PRMT8: variants seen among roughly 807,000 people sequenced by gnomAD.
PRMT8 encodes the protein protein arginine methyltransferase 8.
A neutral mutation model predicts 47.1 loss-of-function variants in PRMT8; 7 were observed. That is an observed-to-expected ratio of 0.15 (90% CI 0.08 to 0.28). PRMT8 has a LOEUF of 0.28. Ranked by LOEUF, PRMT8 falls within the 10% of genes least tolerant of loss-of-function variation. The pLI, the probability that PRMT8 is intolerant of heterozygous loss-of-function variation, is 1.00. For missense variants in PRMT8, 237 were observed against 505.4 expected, an observed-to-expected ratio of 0.47 and a Z score of 5.09; for synonymous variants, 188 against 186.5, an observed-to-expected ratio of 1.01 and a Z score of -0.07.
intron 4 of PRMT8, among the ~76,000 whole-genome samples, chr12:3,559,613 CAG>C (rs1426544849): frequency 1.3e-5 from 2 of 152,128 alleles, no homozygotes; most frequent in East Asian, 3.8e-4. Flanking sequence ...CCAGAAAAAC[CAG>C]ACTCTTATTA....
intron 2 of PRMT8, among the ~76,000 whole-genome samples, chr12:3,543,581 G>A (rs1173526469): frequency 6.6e-6 from 1 of 152,180 alleles, no homozygotes; most frequent in Non-Finnish European, 1.5e-5. Context: ...AGGAAACGTG[G>A]TGCGGATAGA....
rs566075814 is a variant in PRMT8, at chr12:3,448,701, G to A, written c.48+67259G>A. Among the ~76,000 whole-genome samples, 16 of 151,998 alleles carry A rather than the reference G, an allele frequency of 1.1e-4. No homozygotes were observed. In the South Asian group the frequency reaches 1.9e-3, roughly 18 times the overall value. ...AACATCACCCTAAATGAAAACCACC[G>A]TTTTTTTATTTTGCAAATCTTTTTA... is the stretch of plus-strand genomic sequence containing the variant. On this transcript the variant is annotated intron_variant, in intron 1 of 9. Transcript: ENST00000452611.
intron 1 of PRMT8, among the ~76,000 whole-genome samples, chr12:3,465,990 C>T (rs928524353): frequency 6.6e-6 from 1 of 152,152 alleles, no homozygotes; most frequent in Non-Finnish European, 1.5e-5. Flanking sequence ...GAGCTAGCCA[C>T]TCAGCCCAGA....
chr12:3,576,739 G>T lies in PRMT8; in HGVS notation c.713-132G>T. On this transcript the variant is annotated intron_variant, in intron 6 of 9. Coordinates refer to ENST00000382622, the MANE Select transcript of PRMT8 (RefSeq NM_019854.5). This position sits in a 1 kb window ranked among gnomAD's most constrained non-coding sequence, Gnocchi z 4.0. ...AAAGTGCCCCCAGGTGAGCAGTTCT[G>T]CCTCTATTTCGATGCAAGGGAACTC... 1.4e-6 allele frequency: 1 copy of T among 698,300 alleles called. No individual in the cohort carries two copies. 43.3% of individuals were successfully genotyped at this position (698,300 alleles called of 1,614,324 possible).
chr12:3,562,883 A>C (rs1197722422), intron 4 of PRMT8, among the ~76,000 whole-genome samples: 1 of 152,126 alleles, frequency 6.6e-6, no homozygotes, highest in Non-Finnish European at 1.5e-5. Flanking sequence ...GGAGAGAGTG[A>C]AACCATTCCA....
intron 1 of PRMT8, among the ~76,000 whole-genome samples, chr12:3,519,980 C>T (rs868496234): frequency 3.3e-5 from 5 of 152,132 alleles, no homozygotes; most frequent in African/African-American, 9.7e-5. Flanking sequence ...CCAATACAGG[C>T]GAAAGAGGAT....
chr12:3,580,938 A>T lies in PRMT8; in HGVS notation c.829-2120A>T, dbSNP rs981492271. On this transcript the variant is annotated intron_variant, in intron 7 of 9. Transcript: ENST00000382622. The surrounding 1 kb of genome is among the most constrained non-coding windows in gnomAD (Gnocchi z 4.6). ...CATGTGGCTGGGAGGGATAATGAGC[A>T]TTATGAAGGCTGACATATACTCAGT... Among the ~76,000 whole-genome samples, 6 of 152,222 alleles carry T rather than the reference A, an allele frequency of 3.9e-5. No homozygotes were observed. The highest frequency in any genetic ancestry group is 1.4e-4 in the African/African-American group (6 of 41,460).
At chr12:3,394,252 A>G (rs1206590159) in intron 1 of PRMT8, among the ~76,000 whole-genome samples, 1 of 152,166 alleles carries the variant, frequency 6.6e-6, no homozygotes, top group Non-Finnish European at 1.5e-5. Context: ...ACTATGTTGA[A>G]TAGGAGTGGT....
chr12:3,426,926 A>G (rs984772480), intron 1 of PRMT8, among the ~76,000 whole-genome samples: 1 of 152,060 alleles, frequency 6.6e-6, no homozygotes, highest in South Asian at 2.1e-4. Context: ...CCACCCTTTG[A>G]TGAGAACGTG....
rs948938591 is a variant in PRMT8, at chr12:3,492,031, G to A, written c.75+331G>A. On this transcript the variant is annotated intron_variant, in intron 1 of 9. Transcript: ENST00000382622. The surrounding 1 kb of genome is among the most constrained non-coding windows in gnomAD (Gnocchi z 7.5). ...CAAGTCCCAAACCCCGGGCAGCCGC[G>A]CTCCCCTGCCCTCTCCTCTGGGCTC... 6.6e-6 allele frequency among the ~76,000 whole-genome samples: 1 copy of A among 151,922 alleles called. No individual in the cohort carries two copies. The highest frequency in any genetic ancestry group is 2.4e-5 in the African/African-American group (1 of 41,364).
chr12:3,554,861 T>C (rs577124238), intron 4 of PRMT8, among the ~76,000 whole-genome samples: 26 of 152,194 alleles, frequency 1.7e-4, no homozygotes, highest in Non-Finnish European at 2.9e-4. Flanking sequence ...TGCTCCCTGC[T>C]GACCTGCCAG....
intron 1 of PRMT8, among the ~76,000 whole-genome samples, chr12:3,483,929 G>A (rs1865298381): frequency 6.6e-6 from 1 of 152,170 alleles, no homozygotes; most frequent in Non-Finnish European, 1.5e-5. Flanking sequence ...GACAAGTGAT[G>A]AGGAAATCGA....
At position 3,569,383 on chromosome 12, in the gene PRMT8, G is replaced by A. The variant is rs981451272; in HGVS notation, c.625-94G>A. On this transcript the variant is annotated intron_variant, in intron 5 of 9. Transcript: ENST00000382622. This position sits in a 1 kb window ranked among gnomAD's most constrained non-coding sequence, Gnocchi z 8.2. Reference sequence around the variant, plus strand: ...CTGCATGAGAGATGGTGGCAAGGGGGTGCTTGTCTGGTGACTCTATGTGCA... The same window carrying A: ...CTGCATGAGAGATGGTGGCAAGGGGATGCTTGTCTGGTGACTCTATGTGCA... 32 of 1,023,534 alleles carry A rather than the reference G, an allele frequency of 3.1e-5. No homozygotes were observed. Among genetic ancestry groups the A allele is most frequent in the Middle Eastern group, 2.0e-4 (1 of 4,926 alleles). The allele number at this position is 1,023,534 out of a possible 1,614,324, so 63.4% of individuals were successfully genotyped here.
intron 1 of PRMT8, among the ~76,000 whole-genome samples, chr12:3,516,160 G>A (rs1865788162): frequency 6.6e-6 from 1 of 152,220 alleles, no homozygotes; most frequent in African/African-American, 2.4e-5. Flanking sequence ...GGCAGTTGAG[G>A]AAGCACTTTT....
At chr12:3,395,527 C>T (rs1203832708) in intron 1 of PRMT8, among the ~76,000 whole-genome samples, 7 of 151,762 alleles carry the variant, frequency 4.6e-5, no homozygotes, top group Non-Finnish European at 5.9e-5. Flanking sequence ...TGGTTTTGAG[C>T]GAGATTCTTA....
At chr12:3,571,566 T>G (rs1591609361) in intron 6 of PRMT8, among the ~76,000 whole-genome samples, 1 of 152,042 alleles carries the variant, frequency 6.6e-6, no homozygotes, top group Non-Finnish European at 1.5e-5. Flanking sequence ...GGCCCCAGAC[T>G]GGAGATCATG....
Position 3,465,165 on chromosome 12 carries a change from AT to A in PRMT8, c.49-75440del, listed in dbSNP as rs1184616235. On this transcript the variant is annotated intron_variant, in intron 1 of 9. Transcript: ENST00000452611. ...ATATATATAATTTTTTTATAAAAAA[AT>A]ATATATTTATATATATATTTTATAA... is the stretch of plus-strand genomic sequence containing the variant. 6.4e-5 allele frequency among the ~76,000 whole-genome samples: 9 copies of A among 140,994 alleles called. No individual in the cohort carries two copies. The East Asian group carries it at 1.4e-3, about 22-fold the overall frequency. 92.5% of individuals were successfully genotyped at this position (140,994 alleles called of 152,430 possible). A position where few individuals can be genotyped will look rare whatever the true frequency, so the allele number is the denominator to read the frequency against.
intron 1 of PRMT8, among the ~76,000 whole-genome samples, chr12:3,520,522 A>C (rs941906505): frequency 1.3e-5 from 2 of 152,268 alleles, no homozygotes; most frequent in African/African-American, 4.8e-5. Flanking sequence ...AAAAGGCATC[A>C]AACTGTAACT....
intron 1 of PRMT8, among the ~76,000 whole-genome samples, chr12:3,460,172 A>AC (rs1200920606): frequency 6.6e-6 from 1 of 152,124 alleles, no homozygotes; most frequent in Non-Finnish European, 1.5e-5. Context: ...GAAGTGGCTT[A>AC]CCCCAGTTCT....
Sources: allele counts gnomAD v4.1 joint callset (sites outside exome capture counted in the v4.1 genomes callset), GRCh38; gene constraint gnomAD v4.1.1; non-coding constraint Gnocchi (gnomAD v3.1); transcripts MANE v1.5; gene names NCBI Gene and HGNC (gene_info 2026-07-23, HGNC 2026-07-21).